TNR: variants seen among roughly 807,000 people sequenced by gnomAD.
TNR encodes the protein tenascin R.
In TNR, 45 loss-of-function variants were observed where a neutral mutation model predicts 150.4. The ratio of observed to expected loss-of-function variants is 0.30; its 90% CI spans 0.24 to 0.38. The LOEUF is 0.38. Among genes scored for constraint, TNR ranks in the 10% least tolerant of loss-of-function variants. TNR has a pLI of 1.00. For synonymous variants in TNR, 687 were observed against 678.4 expected, an observed-to-expected ratio of 1.01 and a Z score of -0.20; for missense variants, 1,544 against 1,759.1, an observed-to-expected ratio of 0.88 and a Z score of 2.19.
chr1:175,640,537 A>C (rs1316838371), intron 1 of TNR, among the ~76,000 whole-genome samples: 2 of 152,128 alleles, frequency 1.3e-5, no homozygotes, highest in Admixed American at 6.5e-5. Flanking sequence ...TGCCCTACCT[A>C]CTTCAAAAGA....
chr1:175,446,044 T>C (rs1275865491), intron 2 of TNR, among the ~76,000 whole-genome samples: 1 of 152,258 alleles, frequency 6.6e-6, no homozygotes, highest in Non-Finnish European at 1.5e-5. Flanking sequence ...CCAAACTATC[T>C]AGGTCTAAAG....
At chr1:175,673,566 A>G (rs1257302187) in intron 1 of TNR, among the ~76,000 whole-genome samples, 2 of 152,252 alleles carry the variant, frequency 1.3e-5, no homozygotes, top group African/African-American at 4.8e-5. Context: ...TTAGTCTTTC[A>G]ACAAAGGCTT....
chr1:175,395,767 TC>T (rs1175352465), intron 5 of TNR, among the ~76,000 whole-genome samples: 36 of 152,236 alleles, frequency 2.4e-4, no homozygotes, highest in African/African-American at 8.2e-4. Flanking sequence ...ATTTCCTATC[TC>T]CTTCTTATTC....
rs1408657125 is a variant in TNR at position 175,318,413 on chromosome 1, C to T, written c.*4944G>A. 1 of 152,190 alleles carries T rather than the reference C, an allele frequency of 6.6e-6. No homozygotes were observed. The highest frequency in any genetic ancestry group is 1.5e-5 in the Non-Finnish European group (1 of 68,040). The allele number at this position is 152,190 out of a possible 1,614,324, so 9.4% of individuals were successfully genotyped here. On this transcript the variant is annotated 3_prime_UTR_variant, in exon 23 of 23. Transcript: ENST00000367674. ...GGCATAAACAAATCCAGAGTGGATA[C>T]AATTAGAAAGAACCAGAGACATTTT...
At chr1:175,616,162 A>G (rs1663766662) in intron 1 of TNR, among the ~76,000 whole-genome samples, 1 of 152,168 alleles carries the variant, frequency 6.6e-6, no homozygotes, top group African/African-American at 2.4e-5. Context: ...CCTAAAGGGC[A>G]TTTCTAGATT....
chr1:175,500,629 C>T (rs1442479056), intron 2 of TNR, among the ~76,000 whole-genome samples: 1 of 152,204 alleles, frequency 6.6e-6, no homozygotes, highest in African/African-American at 2.4e-5. Context: ...GAACCAGATG[C>T]TGCCTCTGAG....
intron 1 of TNR, among the ~76,000 whole-genome samples, chr1:175,590,714 G>A (rs1662766222): frequency 6.6e-6 from 1 of 152,230 alleles, no homozygotes; most frequent in Non-Finnish European, 1.5e-5. Flanking sequence ...CTAAGGTGAG[G>A]AGAACTGCAA....
intron 1 of TNR, among the ~76,000 whole-genome samples, chr1:175,572,162 C>G (rs997686402): frequency 5.9e-5 from 9 of 152,152 alleles, no homozygotes; most frequent in Admixed American, 4.6e-4. Flanking sequence ...TGTTAATGAG[C>G]TCACACCGAG....
intron 1 of TNR, among the ~76,000 whole-genome samples, chr1:175,562,079 T>A (rs1467408106): frequency 1.3e-5 from 2 of 152,124 alleles, no homozygotes; most frequent in African/African-American, 4.8e-5. Flanking sequence ...ATATTGTAAA[T>A]CTCCTTGGCA....
intron 1 of TNR, among the ~76,000 whole-genome samples, chr1:175,605,236 T>C (rs1476230241): frequency 6.6e-6 from 1 of 152,236 alleles, no homozygotes; most frequent in Non-Finnish European, 1.5e-5. Flanking sequence ...ATTTATTCAC[T>C]ATCTGGCCTC....
intron 1 of TNR, among the ~76,000 whole-genome samples, chr1:175,707,738 G>A (rs1368496202): frequency 6.6e-6 from 1 of 152,110 alleles, no homozygotes; most frequent in Non-Finnish European, 1.5e-5. Context: ...TTATTCGGAA[G>A]GTTTATTATG....
chr1:175,533,459 C>T (rs917630888), intron 1 of TNR, among the ~76,000 whole-genome samples: 3 of 152,230 alleles, frequency 2.0e-5, no homozygotes, highest in Non-Finnish European at 2.9e-5. Context: ...TCCCCACTCA[C>T]CCGACACCAC....
chr1:175,633,203 C>T (rs1664388031), intron 1 of TNR, among the ~76,000 whole-genome samples: 1 of 152,190 alleles, frequency 6.6e-6, no homozygotes, highest in Non-Finnish European at 1.5e-5. Flanking sequence ...ATGCAATTAT[C>T]ATCTGTGGGG....
intron 1 of TNR, among the ~76,000 whole-genome samples, chr1:175,614,231 G>C (rs1663691930): frequency 6.6e-6 from 1 of 152,170 alleles, no homozygotes; most frequent in South Asian, 2.1e-4. Flanking sequence ...GAGAGAGAGA[G>C]GTGTGGGGAA....
chr1:175,365,405 C>A (rs1651787698), intron 11 of TNR, 126 bp from the exon 12 acceptor site: 4 of 1,081,154 alleles, frequency 3.7e-6, no homozygotes, highest in Non-Finnish European at 3.9e-6. Flanking sequence ...ACCCACTAAC[C>A]AAGAGATTCC....
At chr1:175,618,490 T>C (rs945718313) in intron 1 of TNR, among the ~76,000 whole-genome samples, 5 of 152,222 alleles carry the variant, frequency 3.3e-5, no homozygotes, top group Admixed American at 2.0e-4. Flanking sequence ...TGGCAGCCAC[T>C]TAGCTGCTTT....
intron 2 of TNR, among the ~76,000 whole-genome samples, chr1:175,417,601 C>G (rs550733561): frequency 1.2e-4 from 18 of 152,234 alleles, no homozygotes; most frequent in African/African-American, 3.9e-4. Context: ...CTCAGAACTT[C>G]CAAGTAATTA....
intron 1 of TNR, among the ~76,000 whole-genome samples, chr1:175,673,896 C>T (rs967895215): frequency 2.0e-5 from 3 of 152,182 alleles, no homozygotes; most frequent in Non-Finnish European, 4.4e-5. Context: ...AACAAAAAAC[C>T]ACATCGGAAG....
At chr1:175,648,307 T>C (rs1236650913) in intron 1 of TNR, among the ~76,000 whole-genome samples, 1 of 152,162 alleles carries the variant, frequency 6.6e-6, no homozygotes, top group Non-Finnish European at 1.5e-5. Flanking sequence ...TATAGGACTC[T>C]AATTTTAAAA....
Sources: allele counts gnomAD v4.1 joint callset (sites outside exome capture counted in the v4.1 genomes callset), GRCh38; gene constraint gnomAD v4.1.1; transcripts MANE v1.5; gene names NCBI Gene and HGNC (gene_info 2026-07-23, HGNC 2026-07-21).